The following TSPAN13 variants were observed in gnomAD, a reference collection of about 807,000 sequenced individuals.
TSPAN13 encodes tetraspanin 13.
TSPAN13 carries 18 observed loss-of-function variants against 26.9 expected under a neutral mutation model. The observed-to-expected ratio is 0.67, with a 90% CI of 0.46 to 0.99. The LOEUF (loss-of-function observed/expected upper bound fraction) is 0.99, where lower values mean the gene tolerates loss of function less well. TSPAN13 is among the 50% of genes least tolerant of loss of function. TSPAN13 has a pLI of 0.00. For synonymous variants in TSPAN13, 116 were observed against 98.4 expected, an observed-to-expected ratio of 1.18 and a Z score of -1.06; for missense variants, 201 against 249.6, an observed-to-expected ratio of 0.81 and a Z score of 1.31.
At chr7:16,755,718 A>T (rs1466494959) in intron 1 of TSPAN13, among the ~76,000 whole-genome samples, 1 of 151,980 alleles carries the variant, frequency 6.6e-6, no homozygotes, top group African/African-American at 2.4e-5. Flanking sequence ...TACTTACTTC[A>T]CTGAAGGGTC....
At chr7:16,778,458 T>C (rs1784777816) in intron 4 of TSPAN13, among the ~76,000 whole-genome samples, 1 of 152,222 alleles carries the variant, frequency 6.6e-6, no homozygotes, top group African/African-American at 2.4e-5. Context: ...GGTCCTTTGC[T>C]CACCTGGCTG....
chr7:16,775,981 C>CT (rs1050070698), intron 1 of TSPAN13: 568 of 403,572 alleles, frequency 1.4e-3, no homozygotes, highest in Non-Finnish European at 1.6e-3. Context: ...TATTATCAGT[C>CT]TTTTTTTTTC....
chr7:16,759,245 A>G (rs1217413122), intron 1 of TSPAN13, among the ~76,000 whole-genome samples: 11 of 152,128 alleles, frequency 7.2e-5, no homozygotes, highest in Admixed American at 7.2e-4. Flanking sequence ...CTGAGACTGG[A>G]TAAAGAAAAG....
In TSPAN13 at chr7:16,776,444, A is replaced by G. The variant is rs1487105427; in HGVS notation, c.231+66A>G. 1.1e-5 allele frequency: 16 copies of G among 1,480,534 alleles called. No homozygotes were observed. The African/African-American group carries it at 1.4e-4, about 13-fold the overall frequency. The allele number at this position is 1,480,534 out of a possible 1,614,324, so 91.7% of individuals were successfully genotyped here. A position where few individuals can be genotyped will look rare whatever the true frequency, so the allele number is the denominator to read the frequency against. ...TTTTGATGGTTACAACTAATTTAAT[A>G]TTATCACTAGGAAATTTATTGCCAG... On this transcript the variant is annotated intron_variant, in intron 2 of 5. Coordinates refer to ENST00000262067, the MANE Select transcript of TSPAN13 (RefSeq NM_014399.4).
intron 5 of TSPAN13, 90 bp from the exon 6 acceptor site, chr7:16,783,327 G>C: frequency 7.9e-7 from 1 of 1,272,800 alleles, no homozygotes; most frequent in South Asian, 1.3e-5. Flanking sequence ...GCGATTGAGA[G>C]GGTCCAAAGT....
At chr7:16,780,717 G>T (rs1055950621) in intron 5 of TSPAN13, among the ~76,000 whole-genome samples, 4 of 152,138 alleles carry the variant, frequency 2.6e-5, no homozygotes, top group Non-Finnish European at 4.4e-5. Context: ...TTTATTTTGA[G>T]AATTTAGTTC....
At chr7:16,769,245 C>G (rs1784647074) in intron 1 of TSPAN13, among the ~76,000 whole-genome samples, 1 of 152,072 alleles carries the variant, frequency 6.6e-6, no homozygotes, top group African/African-American at 2.4e-5. Flanking sequence ...TAGAGTCAGG[C>G]TCAAGTTTTG....
Position 16,777,024 on chromosome 7 carries a change from T to A in TSPAN13, c.232-18T>A. On this transcript the variant is annotated intron_variant, in intron 2 of 5. Transcript: ENST00000262067. ...ATTCTAAGAATATTTAGAAGTATCC[T>A]TAACTTCTAACTCTCAGTATATGAT... 6.5e-7 allele frequency: 1 copy of A among 1,533,256 alleles called. No individual in the cohort carries two copies. Among genetic ancestry groups the A allele is most frequent in the South Asian group, 1.1e-5 (1 of 89,016 alleles). 95.0% of individuals were successfully genotyped at this position (1,533,256 alleles called of 1,614,324 possible).
At position 16,761,690 on chromosome 7, in the gene TSPAN13, ATTTTTTT is replaced by A. The variant is rs35451307; in HGVS notation, c.63+7678_63+7684del. 5.8e-3 allele frequency among the ~76,000 whole-genome samples: 538 copies of A among 93,332 alleles called. 4 individuals carry two copies. Among genetic ancestry groups the A allele is most frequent in the African/African-American group, 0.018 (422 of 23,670 alleles). The allele number at this position is 93,332 out of a possible 152,430, so 61.2% of individuals were successfully genotyped here. A position where few individuals can be genotyped will look rare whatever the true frequency, so the allele number is the denominator to read the frequency against. ...ATACTCCACCCTACCCAGCTAATTA[ATTTTTTT>A]TTTTTTTTTTTTTTTTTGTAGAGAC... On this transcript the variant is annotated intron_variant, in intron 1 of 5. Coordinates refer to ENST00000262067, the MANE Select transcript of TSPAN13 (RefSeq NM_014399.4).
chr7:16,776,610 G>A lies in TSPAN13; in HGVS notation c.231+232G>A, dbSNP rs946651735. Reference sequence around the variant, plus strand: ...GAATATATTCTGCAAGTTCAGTGTAGTCCTATTTATGTATTGTAAATTCAG... The same window carrying A: ...GAATATATTCTGCAAGTTCAGTGTAATCCTATTTATGTATTGTAAATTCAG... On this transcript the variant is annotated intron_variant, in intron 2 of 5. Transcript: ENST00000262067. 5.9e-5 allele frequency among the ~76,000 whole-genome samples: 9 copies of A among 152,216 alleles called. No individual in the cohort carries two copies. In the South Asian group the frequency reaches 8.3e-4, roughly 14 times the overall value.
At chr7:16,755,731 T>C (rs2115318733) in intron 1 of TSPAN13, among the ~76,000 whole-genome samples, 1 of 152,234 alleles carries the variant, frequency 6.6e-6, no homozygotes, top group Non-Finnish European at 1.5e-5. Flanking sequence ...GAAGGGTCTA[T>C]ATCAATGTAT....
At position 16,783,130 on chromosome 7, in the gene TSPAN13, G is replaced by A. The variant is rs527831516; in HGVS notation, c.541-287G>A. Among the ~76,000 whole-genome samples the A allele has an allele frequency of 8.5e-5, 13 of 152,186 alleles. No individual in the cohort carries two copies. In the East Asian group the frequency reaches 2.3e-3, roughly 27 times the overall value. Reference sequence around the variant, plus strand: ...TATCTTGAGACCCTTAACCACACCCGCAAAGTCCCTGTTACTGTGTAAGGT... The same window carrying A: ...TATCTTGAGACCCTTAACCACACCCACAAAGTCCCTGTTACTGTGTAAGGT... On this transcript the variant is annotated intron_variant, in intron 5 of 5. Transcript: ENST00000262067.
At chr7:16,759,149 C>T (rs548411619) in intron 1 of TSPAN13, among the ~76,000 whole-genome samples, 84 of 152,198 alleles carry the variant, frequency 5.5e-4, no homozygotes, top group African/African-American at 1.9e-3. Flanking sequence ...CACAGCTTCA[C>T]ATATGGTGGT....
chr7:16,775,917 G>A (rs3816599), intron 1 of TSPAN13: 38,341 of 260,512 alleles, frequency 0.15, 3,063 homozygotes, highest in African/African-American at 0.21. Flanking sequence ...TCAGTAGCAT[G>A]CATTTAGGCT....
chr7:16,755,608 C>T (rs1016054858), intron 1 of TSPAN13, among the ~76,000 whole-genome samples: 24 of 148,192 alleles, frequency 1.6e-4, no homozygotes, highest in Admixed American at 1.6e-3. Context: ...TATTTTGTGA[C>T]CTGAGTTCTG....
At position 16,754,024 on chromosome 7, in the gene TSPAN13, T is replaced by G; in HGVS notation, c.57T>G (p.Leu19=). ...ACTGCCTGTGCGCCCTCAACCTGCT[T>G]TACACCGTGAGTATCCCCAGTCCGT... ...SKNCLCALNL[L]YTLVSLLLIG... The change falls in exon 1 of 6, where the codon CTT becomes CTG. Residue 19 remains leucine, a synonymous_variant. Transcript: ENST00000262067. 2 of 1,613,786 alleles carry G rather than the reference T, an allele frequency of 1.2e-6. No homozygotes were observed. Among genetic ancestry groups the G allele is most frequent in the Non-Finnish European group, 1.7e-6 (2 of 1,179,812 alleles).
chr7:16,777,261 T>A (rs1192452997), intron 3 of TSPAN13, 139 bp downstream of exon 3: 3 of 625,488 alleles, frequency 4.8e-6, no homozygotes, highest in African/African-American at 1.8e-5. Context: ...AACTCTCTTG[T>A]TCCCTTTGCA....
rs1784567217 is a variant in TSPAN13, at chr7:16,763,317, A to C, written c.63+9287A>C. On this transcript the variant is annotated intron_variant, in intron 1 of 5. Coordinates refer to ENST00000262067, the MANE Select transcript of TSPAN13 (RefSeq NM_014399.4). ...TGGTGAAGGTAAATAGGATCAGTGC[A>C]ATTTTGCAGGTATTGAAAGTTTATG... Among the ~76,000 whole-genome samples the C allele has an allele frequency of 2.0e-5, 3 of 152,186 alleles. No individual in the cohort carries two copies. In the South Asian group the frequency reaches 6.2e-4, roughly 32 times the overall value.
At chr7:16,775,879 T>G in intron 1 of TSPAN13, 5 of 192,026 alleles carry the variant, frequency 2.6e-5, no homozygotes, top group African/African-American at 2.3e-5. Flanking sequence ...ATCTGGAAGT[T>G]TTTGTGTATG....
Sources: gnomAD v4.1 joint callset for allele counts (sites outside exome capture counted in the v4.1 genomes callset) on GRCh38, gnomAD v4.1.1 for gene constraint, MANE v1.5 for transcripts, NCBI Gene and HGNC (gene_info 2026-07-23, HGNC 2026-07-21) for gene names.